PLXDC1: variants seen among roughly 807,000 people sequenced by gnomAD.
PLXDC1 encodes the protein plexin domain-containing protein 1.
PLXDC1 carries 39 observed loss-of-function variants against 61.3 expected under a neutral mutation model. That is an observed-to-expected ratio of 0.64 (90% confidence interval 0.49 to 0.83). PLXDC1 has a LOEUF of 0.83. PLXDC1 is among the 40% of genes least tolerant of loss of function. The pLI is 0.00. For missense variants in PLXDC1, 596 were observed against 666.5 expected (o/e 0.89, Z 1.17); for synonymous variants, 212 against 254.5 (o/e 0.83, Z 1.59).
chr17:39,120,406 G>T (rs1487018621), intron 2 of PLXDC1, among the ~76,000 whole-genome samples: 1 of 151,824 alleles, frequency 6.6e-6, no homozygotes, highest in Admixed American at 6.6e-5. Context: ...GAGCCACTGC[G>T]CCTGGCCTGA....
chr17:39,112,301 C>T (rs1055146984), intron 2 of PLXDC1: 2 of 152,314 alleles, frequency 1.3e-5, no homozygotes, highest in African/African-American at 4.8e-5. Flanking sequence ...TATGGTTCAC[C>T]TGGGACCACC....
At chr17:39,101,202 G>C (rs1910407578) in intron 7 of PLXDC1, among the ~76,000 whole-genome samples, 1 of 152,228 alleles carries the variant, frequency 6.6e-6, no homozygotes, top group Non-Finnish European at 1.5e-5. Flanking sequence ...AGTTCCTCGT[G>C]TAGCAGCAAC....
chr17:39,068,322 T>C (rs1030165474), intron 13 of PLXDC1, among the ~76,000 whole-genome samples: 1 of 152,078 alleles, frequency 6.6e-6, no homozygotes, highest in African/African-American at 2.4e-5. Flanking sequence ...GCTCTGAAAA[T>C]GCCAAGATAA....
At chr17:39,095,247 G>A (rs551499110) in intron 7 of PLXDC1, among the ~76,000 whole-genome samples, 1 of 149,222 alleles carries the variant, frequency 6.7e-6, no homozygotes, top group African/African-American at 2.6e-5. Flanking sequence ...GGATGAGGGT[G>A]GGGGGTGGAA....
chr17:39,147,624 G>C (rs1046397604), intron 1 of PLXDC1, among the ~76,000 whole-genome samples: 14 of 151,580 alleles, frequency 9.2e-5, no homozygotes, highest in Non-Finnish European at 1.9e-4. Context: ...AGGAGTCAAA[G>C]GAAGTGCAGG....
chr17:39,143,149 A>C (rs1285052975), intron 1 of PLXDC1, among the ~76,000 whole-genome samples: 1 of 152,164 alleles, frequency 6.6e-6, no homozygotes, highest in Non-Finnish European at 1.5e-5. Flanking sequence ...AAATAAATAA[A>C]TAAACAACAC....
chr17:39,114,900 G>A (rs558700823), intron 2 of PLXDC1, among the ~76,000 whole-genome samples: 470 of 152,278 alleles, frequency 3.1e-3, no homozygotes, highest in African/African-American at 0.011. Context: ...CCAAACCTCC[G>A]GGCGTCTGAA....
rs1908946392 is a variant in PLXDC1, at chr17:39,067,670, T to C, written c.*170A>G. 1.7e-6 allele frequency: 1 copy of C among 600,684 alleles called. No individual in the cohort carries two copies. The allele number at this position is 600,684 out of a possible 1,614,324, so 37.2% of individuals were successfully genotyped here. A position where few individuals can be genotyped will look rare whatever the true frequency, so the allele number is the denominator to read the frequency against. ...CATGTGGTTGTTTTTTGGCCCCCTC[T>C]TCAATATTCGGGGTGTGCTGACGAA... On this transcript the variant is annotated 3_prime_UTR_variant, in exon 14 of 14. Transcript: ENST00000315392.
At chr17:39,133,186 G>A (rs1026126763) in intron 2 of PLXDC1, among the ~76,000 whole-genome samples, 13 of 152,138 alleles carry the variant, frequency 8.5e-5, no homozygotes, top group Admixed American at 7.9e-4. Context: ...GGTTGGGGGT[G>A]GGCAGATAGT....
intron 11 of PLXDC1, among the ~76,000 whole-genome samples, chr17:39,075,844 A>G (rs1446814018): frequency 1.3e-5 from 2 of 152,192 alleles, no homozygotes; most frequent in Non-Finnish European, 2.9e-5. Flanking sequence ...TTGGGAAGCC[A>G]AGGTGGGTGG....
At chr17:39,111,589 C>T (rs1364554385) in intron 2 of PLXDC1, among the ~76,000 whole-genome samples, 1 of 152,074 alleles carries the variant, frequency 6.6e-6, no homozygotes, top group African/African-American at 2.4e-5. Flanking sequence ...CTAGCCAAAC[C>T]CTGCCTTCTT....
chr17:39,103,789 T>C (rs1204858842), intron 7 of PLXDC1, among the ~76,000 whole-genome samples: 5 of 144,548 alleles, frequency 3.5e-5, no homozygotes, highest in African/African-American at 1.3e-4. Flanking sequence ...AAGGTTGCAG[T>C]GAGCCAAGAT....
At chr17:39,129,434 C>T (rs542009617) in intron 2 of PLXDC1, among the ~76,000 whole-genome samples, 11 of 151,302 alleles carry the variant, frequency 7.3e-5, no homozygotes, top group South Asian at 2.1e-4. Flanking sequence ...CTGGATAACA[C>T]GGTGAAACAC....
At chr17:39,150,836 C>T (rs555864594) in intron 1 of PLXDC1, among the ~76,000 whole-genome samples, 1 of 152,308 alleles carries the variant, frequency 6.6e-6, no homozygotes, top group African/African-American at 2.4e-5. Flanking sequence ...ACCAAATAGG[C>T]AAGGGAAGGT....
intron 2 of PLXDC1, among the ~76,000 whole-genome samples, chr17:39,130,520 T>A (rs1911523877): frequency 6.6e-6 from 1 of 152,140 alleles, no homozygotes; most frequent in African/African-American, 2.4e-5. Context: ...CATTGTGAAT[T>A]TATTAAATGC....
chr17:39,089,745 C>T (rs984089317), intron 7 of PLXDC1, among the ~76,000 whole-genome samples: 3 of 152,180 alleles, frequency 2.0e-5, no homozygotes, highest in East Asian at 1.9e-4. Context: ...CCCCACATCC[C>T]CTCCTATGTA....
intron 11 of PLXDC1, among the ~76,000 whole-genome samples, chr17:39,074,236 G>A (rs1445937379): frequency 6.6e-6 from 1 of 152,144 alleles, no homozygotes; most frequent in Non-Finnish European, 1.5e-5. Flanking sequence ...TATAAACCAG[G>A]CACAATGGCA....
chr17:39,141,061 G>C (rs1567773873), intron 1 of PLXDC1, among the ~76,000 whole-genome samples: 2 of 152,156 alleles, frequency 1.3e-5, no homozygotes, highest in Non-Finnish European at 2.9e-5. Context: ...ATGGGGCCTT[G>C]CTCTGTCACC....
intron 11 of PLXDC1, 138 bp downstream of exon 11, chr17:39,077,774 GC>G (rs1909397023): frequency 2.7e-6 from 2 of 737,278 alleles, no homozygotes; most frequent in Non-Finnish European, 4.4e-6. Context: ...TGAACTTCAG[GC>G]CCCCTTAGCT....
Sources: allele counts gnomAD v4.1 joint callset (sites outside exome capture counted in the v4.1 genomes callset), GRCh38; gene constraint gnomAD v4.1.1; transcripts MANE v1.5; gene names NCBI Gene and HGNC (gene_info 2026-07-23, HGNC 2026-07-21).